The following UNC13C variants were observed in gnomAD, a reference collection of about 807,000 sequenced individuals.
UNC13C encodes unc-13 homolog C.
In UNC13C, 174 loss-of-function variants were observed where a neutral mutation model predicts 245.4. The ratio of observed to expected loss-of-function variants is 0.71; its 90% confidence interval spans 0.63 to 0.80. The LOEUF (loss-of-function observed/expected upper bound fraction) is 0.80. UNC13C is among the 30% of genes least tolerant of loss of function. The probability of loss-of-function intolerance (pLI) is 0.00; values close to 1 mark genes in which losing one functional copy is unlikely to be tolerated. For synonymous variants in UNC13C, 992 were observed against 895.1 expected (o/e 1.11, Z -1.93); for missense variants, 2,829 against 2,602.9 (o/e 1.09, Z -1.89).
At chr15:54,230,719 A>T (rs185766468) in intron 4 of UNC13C, among the ~76,000 whole-genome samples, 52 of 152,098 alleles carry the variant, frequency 3.4e-4, no homozygotes, top group Admixed American at 1.3e-3. Context: ...CACTGAAAAT[A>T]TTTAAAGTAT....
At chr15:53,881,245 AG>A in the UNC13C span, among the ~76,000 whole-genome samples, 1 of 152,194 alleles carries the variant, frequency 6.6e-6, no homozygotes, top group Non-Finnish European at 1.5e-5. Context: ...GCCTCAGGGT[AG>A]CCATACTGTT....
intron 4 of UNC13C, among the ~76,000 whole-genome samples, chr15:54,160,643 G>A (rs531833581): frequency 2.2e-4 from 34 of 151,944 alleles, no homozygotes; most frequent in Non-Finnish European, 3.7e-4. Flanking sequence ...GTATAGCTGT[G>A]GAAAAGCTTC....
At chr15:54,106,176 C>A (rs1292454951) in intron 2 of UNC13C, among the ~76,000 whole-genome samples, 1 of 151,980 alleles carries the variant, frequency 6.6e-6, no homozygotes, top group Non-Finnish European at 1.5e-5. Context: ...AAGCATCTAC[C>A]TTTATTTGAA....
At chr15:54,124,293 C>T (rs1424852775) in intron 2 of UNC13C, among the ~76,000 whole-genome samples, 1 of 152,212 alleles carries the variant, frequency 6.6e-6, no homozygotes, top group East Asian at 1.9e-4. Context: ...ACAGCATCCT[C>T]TCCACCATTT....
At chr15:53,904,747 A>G in the UNC13C span, among the ~76,000 whole-genome samples, 1 of 152,180 alleles carries the variant, frequency 6.6e-6, no homozygotes, top group African/African-American at 2.4e-5. Flanking sequence ...CATGGGCATG[A>G]GCATACATTT....
chr15:54,286,762 A>G (rs1355546349), intron 10 of UNC13C, among the ~76,000 whole-genome samples: 1 of 152,236 alleles, frequency 6.6e-6, no homozygotes, highest in African/African-American at 2.4e-5. Context: ...TTGGCTCTGC[A>G]GAGCACAGCA....
chr15:53,947,951 A>G, the UNC13C span: 1 of 152,246 alleles, frequency 6.6e-6, no homozygotes, highest in South Asian at 2.1e-4. Context: ...CTGGCAGCCA[A>G]TACCTTCTGA....
the UNC13C span, among the ~76,000 whole-genome samples, chr15:53,870,735 T>G: frequency 3.3e-5 from 5 of 152,160 alleles, no homozygotes; most frequent in Admixed American, 3.3e-4. Flanking sequence ...GAGGGTCTTA[T>G]CCTGATTTTT....
intron 1 of UNC13C, among the ~76,000 whole-genome samples, chr15:54,004,837 C>T (rs1199532754): frequency 6.6e-6 from 1 of 152,126 alleles, no homozygotes; most frequent in Admixed American, 6.5e-5. Context: ...GTGTTTTGCC[C>T]ATTTTTAAAT....
chr15:54,589,341 C>T (rs138722636), intron 30 of UNC13C, among the ~76,000 whole-genome samples: 1,704 of 123,666 alleles, frequency 0.014, 49 homozygotes, highest in African/African-American at 0.046. Context: ...CTCTGTCACC[C>T]AGGCTGGAGT....
At chr15:54,127,533 C>A (rs1162310044) in intron 2 of UNC13C, among the ~76,000 whole-genome samples, 2 of 151,714 alleles carry the variant, frequency 1.3e-5, no homozygotes, top group Non-Finnish European at 2.9e-5. Context: ...GAGAGGGGAA[C>A]ATCACACACT....
intron 30 of UNC13C, among the ~76,000 whole-genome samples, chr15:54,606,143 A>C (rs1387349044): frequency 6.6e-6 from 1 of 152,236 alleles, no homozygotes; most frequent in Non-Finnish European, 1.5e-5. Context: ...ATTAGTGAGC[A>C]AACATTCTAT....
chr15:53,992,531 G>C (rs888379313), intron 1 of UNC13C, among the ~76,000 whole-genome samples: 1 of 152,064 alleles, frequency 6.6e-6, no homozygotes, highest in African/African-American at 2.4e-5. Context: ...TGCAATCTTA[G>C]AGGATTCAGG....
chr15:54,232,261 A>G (rs776172462), intron 4 of UNC13C, among the ~76,000 whole-genome samples: 1 of 152,044 alleles, frequency 6.6e-6, no homozygotes, highest in Non-Finnish European at 1.5e-5. Context: ...TTGTCTTGCA[A>G]TTTTCCAAAT....
intron 19 of UNC13C, among the ~76,000 whole-genome samples, chr15:54,432,554 G>A (rs147579936): frequency 0.083 from 12,601 of 151,868 alleles, 629 homozygotes; most frequent in African/African-American, 0.14. Context: ...AAACCAATGA[G>A]AACAAAGACA....
chr15:54,130,724 C>T (rs1049641795), intron 2 of UNC13C, among the ~76,000 whole-genome samples: 1 of 152,164 alleles, frequency 6.6e-6, no homozygotes, highest in Admixed American at 6.6e-5. Flanking sequence ...TTTCCATTCA[C>T]GTTCCTAGGT....
At position 54,208,340 on chromosome 15, in the gene UNC13C, A is replaced by G. The variant is rs574657907; in HGVS notation, c.3072-26690A>G. On this transcript the variant is annotated intron_variant, in intron 4 of 32. Coordinates refer to ENST00000260323, the MANE Select transcript of UNC13C (RefSeq NM_001080534.3). ...TCACCATGAGATTTTGAGGGGTCCA[A>G]TAGCCAAACCATAGCATGATTCAGT... Among the ~76,000 whole-genome samples, 13 of 152,250 alleles carry G rather than the reference A, an allele frequency of 8.5e-5. 1 individual carries two copies. Among genetic ancestry groups the G allele is most frequent in the Admixed American group, 3.9e-4 (6 of 15,274 alleles).
chr15:54,211,957 G>C (rs1419438184), intron 4 of UNC13C, among the ~76,000 whole-genome samples: 5 of 151,984 alleles, frequency 3.3e-5, no homozygotes, highest in South Asian at 2.1e-4. Flanking sequence ...ATTCCGTTTT[G>C]CTGGCTTATT....
chr15:54,307,151 T>A (rs2037747744), intron 13 of UNC13C, among the ~76,000 whole-genome samples: 1 of 151,800 alleles, frequency 6.6e-6, no homozygotes, highest in South Asian at 2.1e-4. Flanking sequence ...GAGGCTGCTA[T>A]AAAAAATACC....
Sources: allele counts gnomAD v4.1 joint callset (sites outside exome capture counted in the v4.1 genomes callset), GRCh38; gene constraint gnomAD v4.1.1; transcripts MANE v1.5; gene names NCBI Gene and HGNC (gene_info 2026-07-23, HGNC 2026-07-21).